TUSC3: variants seen among roughly 807,000 people sequenced by gnomAD.
TUSC3 encodes the protein dolichyl-diphosphooligosaccharide--protein glycosyltransferase subunit TUSC3.
TUSC3 carries 45 observed loss-of-function variants against 44.8 expected under a neutral mutation model. The ratio of observed to expected loss-of-function variants is 1.00; its 90% CI spans 0.79 to 1.29. The LOEUF is 1.29. Among genes scored for constraint, TUSC3 ranks in the 50% most tolerant of loss-of-function variants. The probability of loss-of-function intolerance (pLI) is 0.00; values close to 1 mark genes in which losing one functional copy is unlikely to be tolerated. For missense variants in TUSC3, 519 were observed against 437.9 expected, an observed-to-expected ratio of 1.19 and a Z score of -1.65; for synonymous variants, 212 against 152.9, an observed-to-expected ratio of 1.39 and a Z score of -2.85.
chr8:15,753,449 G>T (rs1811791591), intron 9 of TUSC3, among the ~76,000 whole-genome samples: 1 of 152,042 alleles, frequency 6.6e-6, no homozygotes, highest in Non-Finnish European at 1.5e-5. Flanking sequence ...TAGTATAACT[G>T]TTCCCTTCAT....
At chr8:15,817,139 G>T in the TUSC3 span, among the ~76,000 whole-genome samples, 1 of 152,100 alleles carries the variant, frequency 6.6e-6, no homozygotes, top group South Asian at 2.1e-4. Context: ...ATTAATGAAG[G>T]CACCAATGAT....
chr8:15,474,164 G>C lies in TUSC3; in HGVS notation n.92-9222G>C, dbSNP rs563303850. On this transcript the variant is annotated intron_variant and non_coding_transcript_variant, in intron 1 of 5. Coordinates refer to the TUSC3 transcript ENST00000503191. Reference sequence around the variant, plus strand: ...TCTGCACGAAGAAAAATATGGCTCTGTTTTGCCCGACCTCACAGGCAGTCA... The same window carrying C: ...TCTGCACGAAGAAAAATATGGCTCTCTTTTGCCCGACCTCACAGGCAGTCA... 4.6e-5 allele frequency among the ~76,000 whole-genome samples: 7 copies of C among 152,296 alleles called. No homozygotes were observed. In the South Asian group the frequency reaches 1.5e-3, roughly 32 times the overall value.
the TUSC3 span, among the ~76,000 whole-genome samples, chr8:15,789,816 C>T: frequency 3.8e-3 from 581 of 152,244 alleles, 2 homozygotes; most frequent in African/African-American, 0.013. Context: ...AAAAGAAAAG[C>T]AGATGACAAT....
At chr8:15,473,076 A>G (rs185150451) in intron 1 of TUSC3, among the ~76,000 whole-genome samples, 16 of 152,192 alleles carry the variant, frequency 1.1e-4, no homozygotes, top group East Asian at 1.9e-4. Flanking sequence ...AAATATCTCA[A>G]CTTGGGCCTG....
At chr8:15,750,584 G>C (rs1239156915) in intron 9 of TUSC3, among the ~76,000 whole-genome samples, 2 of 151,326 alleles carry the variant, frequency 1.3e-5, no homozygotes, top group Admixed American at 1.3e-4. Flanking sequence ...CTACTGCTCT[G>C]GGGTTATGTT....
At chr8:15,446,397 A>G (rs977354420) in intron 1 of TUSC3, among the ~76,000 whole-genome samples, 1 of 151,990 alleles carries the variant, frequency 6.6e-6, no homozygotes, top group Non-Finnish European at 1.5e-5. Context: ...TGGAGGTTGT[A>G]GCGAGTCGAG....
At chr8:15,806,750 A>G in the TUSC3 span, 1 of 784,600 alleles carries the variant, frequency 1.3e-6, no homozygotes, top group Non-Finnish European at 2.2e-6. Flanking sequence ...ATGCTAAAGC[A>G]TTACAGAGCC....
At chr8:15,733,179 T>C (rs1450273667) in intron 7 of TUSC3, among the ~76,000 whole-genome samples, 1 of 152,206 alleles carries the variant, frequency 6.6e-6, no homozygotes, top group African/African-American at 2.4e-5. Context: ...TATAGACATA[T>C]CTACTCCTCT....
chr8:15,444,867 T>C (rs1800071623), intron 1 of TUSC3, among the ~76,000 whole-genome samples: 2 of 152,220 alleles, frequency 1.3e-5, no homozygotes, highest in African/African-American at 2.4e-5. Flanking sequence ...GTTGGTTTTC[T>C]TCATCCTGGG....
chr8:15,742,299 G>C lies in TUSC3; in HGVS notation c.863-1239G>C, dbSNP rs578032588. On this transcript the variant is annotated intron_variant, in intron 7 of 10. Transcript: ENST00000503731. The stretch of plus-strand genomic sequence containing the variant: ...TTTTTCTTTATTTTCCTTTTTTCTA[G>C]AAAGGGTTCCAAAGCTAAAACAAAT... 6.8e-5 allele frequency among the ~76,000 whole-genome samples: 10 copies of C among 147,074 alleles called. No individual in the cohort carries two copies. The East Asian group carries it at 2.0e-3, about 30-fold the overall frequency.
rs547925454 is a variant in TUSC3 at position 15,608,652 on chromosome 8, G to A, written c.139-14428G>A. 1.3e-3 allele frequency among the ~76,000 whole-genome samples: 195 copies of A among 152,214 alleles called. 3 individuals carry two copies. Among genetic ancestry groups the A allele is most frequent in the African/African-American group, 4.5e-3 (186 of 41,528 alleles). ...ATGTTGTTCTTGTGATAGTGCGTGA[G>A]TCTCGTGAGATCCGATGGTTTTAAA... is the stretch of plus-strand genomic sequence containing the variant. On this transcript the variant is annotated intron_variant, in intron 1 of 10. Coordinates refer to ENST00000503731, the MANE Select transcript of TUSC3 (RefSeq NM_006765.4).
the TUSC3 span, among the ~76,000 whole-genome samples, chr8:15,842,544 G>A: frequency 1.1e-4 from 16 of 152,028 alleles, no homozygotes; most frequent in East Asian, 7.7e-4. Flanking sequence ...TTTCCCATCC[G>A]CAGTCCTCCA....
the TUSC3 span, among the ~76,000 whole-genome samples, chr8:15,819,200 G>T: frequency 6.6e-6 from 1 of 152,124 alleles, no homozygotes; most frequent in Non-Finnish European, 1.5e-5. Context: ...CATTTTTCTA[G>T]ATGTAATGGT....
chr8:15,697,079 A>G (rs1230510485), intron 6 of TUSC3, among the ~76,000 whole-genome samples: 2 of 152,184 alleles, frequency 1.3e-5, no homozygotes, highest in African/African-American at 4.8e-5. Context: ...AGGTGTTCAT[A>G]GTAGCCTTGA....
At chr8:15,825,621 G>T in the TUSC3 span, among the ~76,000 whole-genome samples, 1 of 152,102 alleles carries the variant, frequency 6.6e-6, no homozygotes, top group Non-Finnish European at 1.5e-5. Context: ...CTCTATTAAA[G>T]ACACTGCTCT....
intron 2 of TUSC3, among the ~76,000 whole-genome samples, chr8:15,520,586 G>A (rs1318843559): frequency 6.6e-6 from 1 of 152,130 alleles, no homozygotes; most frequent in African/African-American, 2.4e-5. Context: ...CCTCTGCACT[G>A]TGTGATAACC....
chr8:15,579,167 C>G (rs1354204728), intron 1 of TUSC3, among the ~76,000 whole-genome samples: 10 of 150,574 alleles, frequency 6.6e-5, no homozygotes, highest in African/African-American at 1.2e-4. Context: ...GTGATATCCC[C>G]TTTATCATTT....
At chr8:15,639,914 T>C (rs1453249730) in intron 2 of TUSC3, among the ~76,000 whole-genome samples, 1 of 151,768 alleles carries the variant, frequency 6.6e-6, no homozygotes, top group East Asian at 1.9e-4. Context: ...CAAAATAATA[T>C]TCTTTTTATT....
chr8:15,816,599 C>T, the TUSC3 span, among the ~76,000 whole-genome samples: 2 of 152,114 alleles, frequency 1.3e-5, no homozygotes, highest in African/African-American at 2.4e-5. Flanking sequence ...AGACTTAATT[C>T]GTAAGACGAT....
Sources: gnomAD v4.1 joint callset for allele counts (sites outside exome capture counted in the v4.1 genomes callset) on GRCh38, gnomAD v4.1.1 for gene constraint, MANE v1.5 for transcripts, NCBI Gene and HGNC (gene_info 2026-07-23, HGNC 2026-07-21) for gene names.